The following TNFAIP6 variants were observed in gnomAD, a reference collection of about 807,000 sequenced individuals.
The protein encoded by TNFAIP6 is tumor necrosis factor-inducible gene 6 protein.
Under a neutral mutation model 33.7 loss-of-function variants are expected in TNFAIP6, and 36 were observed. The observed-to-expected ratio is 1.07, with a 90% confidence interval of 0.82 to 1.41. TNFAIP6 has a LOEUF of 1.41. Ranked by LOEUF, TNFAIP6 falls within the 40% of genes most tolerant of loss-of-function variation. The probability of loss-of-function intolerance (pLI) is 0.00; values close to 1 mark genes in which losing one functional copy is unlikely to be tolerated. For missense variants in TNFAIP6, 273 were observed against 331.9 expected (o/e 0.82, Z 1.38); for synonymous variants, 113 against 112.8 (o/e 1.00, Z -0.01).
chr2:151,361,384 G>A (rs112972162), intron 1 of TNFAIP6, among the ~76,000 whole-genome samples: 66 of 152,102 alleles, frequency 4.3e-4, no homozygotes, highest in African/African-American at 1.4e-3. Context: ...CCAAATCTCC[G>A]TTCATTTTTT....
intron 5 of TNFAIP6, 197 bp downstream of exon 5, chr2:151,373,786 A>G (rs1684854620): frequency 3.0e-6 from 1 of 332,652 alleles, no homozygotes; most frequent in African/African-American, 2.1e-5. Flanking sequence ...AACTGCTTGC[A>G]CTAAAAAATG....
chr2:151,360,861 G>C (rs1189046304), intron 1 of TNFAIP6, among the ~76,000 whole-genome samples: 1 of 152,110 alleles, frequency 6.6e-6, no homozygotes, highest in Non-Finnish European at 1.5e-5. Flanking sequence ...CTGAGGGTGG[G>C]AGAAGGGAGA....
intron 5 of TNFAIP6, among the ~76,000 whole-genome samples, chr2:151,376,032 G>A (rs761778708): frequency 6.3e-4 from 96 of 152,096 alleles, no homozygotes; most frequent in Non-Finnish European, 1.0e-3. Flanking sequence ...GATCACTTAA[G>A]ATCAGGAGTT....
At chr2:151,372,212 G>C (rs112365299) in intron 4 of TNFAIP6, 1 of 152,302 alleles carries the variant, frequency 6.6e-6, no homozygotes, top group Non-Finnish European at 1.5e-5. Context: ...TAAAACTCCC[G>C]TGCTGAGAAT....
intron 1 of TNFAIP6, among the ~76,000 whole-genome samples, chr2:151,359,525 A>G (rs1684589564): frequency 6.6e-6 from 1 of 151,614 alleles, no homozygotes; most frequent in African/African-American, 2.4e-5. Flanking sequence ...AGTAGCTGGG[A>G]CTACAGGCAC....
At chr2:151,378,585 T>G (rs1416156062) in intron 5 of TNFAIP6, among the ~76,000 whole-genome samples, 1 of 151,320 alleles carries the variant, frequency 6.6e-6, no homozygotes, top group African/African-American at 2.4e-5. Flanking sequence ...GCCTCCCGGG[T>G]TCAAGGATTC....
intron 5 of TNFAIP6, among the ~76,000 whole-genome samples, 165 bp from the exon 6 acceptor site, chr2:151,379,199 C>T (rs1317904843): frequency 6.6e-6 from 1 of 152,164 alleles, no homozygotes; most frequent in Non-Finnish European, 1.5e-5. Flanking sequence ...CTGTTCCATG[C>T]GGCAATGAAA....
chr2:151,363,085 G>A (rs571592627), intron 1 of TNFAIP6, among the ~76,000 whole-genome samples: 12 of 152,262 alleles, frequency 7.9e-5, no homozygotes, highest in African/African-American at 2.9e-4. Context: ...GGAGGCCGAG[G>A]CAGGTGGATC....
chr2:151,360,465 C>A (rs1394188904), intron 1 of TNFAIP6, among the ~76,000 whole-genome samples: 2 of 152,160 alleles, frequency 1.3e-5, no homozygotes, highest in Non-Finnish European at 2.9e-5. Flanking sequence ...ACTGCCGCCA[C>A]TCACTAAAAG....
intron 1 of TNFAIP6, among the ~76,000 whole-genome samples, chr2:151,359,427 T>C (rs966732692): frequency 1.7e-4 from 25 of 150,954 alleles, no homozygotes; most frequent in South Asian, 4.2e-4. Context: ...CTCGCTCTGT[T>C]GCCCACGCTG....
chr2:151,370,284 C>A, intron 4 of TNFAIP6, 36 bp downstream of exon 4: 2 of 1,482,412 alleles, frequency 1.3e-6, no homozygotes, highest in Non-Finnish European at 1.9e-6. Flanking sequence ...GTTAAATGAA[C>A]GTCCAGTATT....
At chr2:151,360,349 T>C (rs922298362) in intron 1 of TNFAIP6, among the ~76,000 whole-genome samples, 1 of 152,142 alleles carries the variant, frequency 6.6e-6, no homozygotes, top group Non-Finnish European at 1.5e-5. Flanking sequence ...GTTCCTTCTA[T>C]GGTCCAGAAG....
intron 5 of TNFAIP6, among the ~76,000 whole-genome samples, chr2:151,374,131 G>T (rs1369925284): frequency 6.6e-6 from 1 of 152,120 alleles, no homozygotes; most frequent in African/African-American, 2.4e-5. Flanking sequence ...ATATCAAACA[G>T]GTTTCTTCAC....
chr2:151,358,210 A>G (rs1573776356), intron 1 of TNFAIP6, among the ~76,000 whole-genome samples: 1 of 152,182 alleles, frequency 6.6e-6, no homozygotes, highest in African/African-American at 2.4e-5. Flanking sequence ...GCTATAGTCT[A>G]TATCTTAGTT....
chr2:151,375,760 T>TA (rs1256259016), intron 5 of TNFAIP6, among the ~76,000 whole-genome samples: 1 of 152,144 alleles, frequency 6.6e-6, no homozygotes, highest in Non-Finnish European at 1.5e-5. Context: ...TTGATCTGGT[T>TA]TTCTTTTTAA....
intron 4 of TNFAIP6, among the ~76,000 whole-genome samples, chr2:151,371,368 C>A (rs1684812631): frequency 6.6e-6 from 1 of 152,056 alleles, no homozygotes; most frequent in Admixed American, 6.5e-5. Context: ...TATCAATTAT[C>A]AATAGACTAT....
At chr2:151,364,516 A>G (rs1684680385) in intron 2 of TNFAIP6, among the ~76,000 whole-genome samples, 1 of 152,130 alleles carries the variant, frequency 6.6e-6, no homozygotes, top group African/African-American at 2.4e-5. Flanking sequence ...TTTTTTCCCC[A>G]ATTTTTTTCC....
chr2:151,367,490 C>CTT (rs1213680364), intron 3 of TNFAIP6, among the ~76,000 whole-genome samples: 2 of 151,978 alleles, frequency 1.3e-5, no homozygotes, highest in Non-Finnish European at 2.9e-5. Context: ...CAAATGTATT[C>CTT]TCTGATTCTT....
chr2:151,364,210 T>C (rs1684675364), intron 2 of TNFAIP6, 130 bp downstream of exon 2: 3 of 1,187,382 alleles, frequency 2.5e-6, no homozygotes, highest in Non-Finnish European at 3.5e-6. Context: ...AGGACATTTC[T>C]GCTCTCTGAC....
Sources: allele counts gnomAD v4.1 joint callset (sites outside exome capture counted in the v4.1 genomes callset), GRCh38; gene constraint gnomAD v4.1.1; transcripts MANE v1.5; gene names NCBI Gene and HGNC (gene_info 2026-07-23, HGNC 2026-07-21).